The following SLC35F1 variants were observed in gnomAD, a reference collection of about 807,000 sequenced individuals.
SLC35F1 encodes chromosome 6 open reading frame 169.
SLC35F1 carries 14 observed loss-of-function variants against 48.7 expected under a neutral mutation model. That is an observed-to-expected ratio of 0.29 (90% CI 0.19 to 0.45). SLC35F1 has a LOEUF of 0.45. Ranked by LOEUF, SLC35F1 falls within the 20% of genes least tolerant of loss-of-function variation. SLC35F1 has a pLI of 1.00. For missense variants in SLC35F1, 404 were observed against 500.0 expected (o/e 0.81, Z 1.83); for synonymous variants, 190 against 202.2 (o/e 0.94, Z 0.51).
intron 1 of SLC35F1, among the ~76,000 whole-genome samples, chr6:117,957,441 C>T (rs888300319): frequency 7.9e-5 from 12 of 152,190 alleles, no homozygotes; most frequent in African/African-American, 2.9e-4. Context: ...TTCTACCAAG[C>T]ATCCAAAAAG....
intron 4 of SLC35F1, among the ~76,000 whole-genome samples, 196 bp downstream of exon 4, chr6:118,267,350 G>A (rs1775786631): frequency 6.6e-6 from 1 of 152,222 alleles, no homozygotes; most frequent in African/African-American, 2.4e-5. Flanking sequence ...TTGAGTGCAT[G>A]AGTTTGCAAA....
At chr6:118,097,861 T>A (rs1234615247) in intron 1 of SLC35F1, among the ~76,000 whole-genome samples, 1 of 152,170 alleles carries the variant, frequency 6.6e-6, no homozygotes, top group Non-Finnish European at 1.5e-5. Flanking sequence ...TCTTACTAAG[T>A]GAGTAGGTGT....
intron 7 of SLC35F1, among the ~76,000 whole-genome samples, chr6:118,292,367 A>G (rs1776135170): frequency 6.6e-6 from 1 of 152,186 alleles, no homozygotes; most frequent in Non-Finnish European, 1.5e-5. Flanking sequence ...CTGAAAGTGC[A>G]ATACACTGTC....
chr6:118,248,977 C>T (rs1314570925), intron 3 of SLC35F1, among the ~76,000 whole-genome samples: 1 of 152,160 alleles, frequency 6.6e-6, no homozygotes, highest in African/African-American at 2.4e-5. Flanking sequence ...CATTGATCTC[C>T]CCTGCCCTTT....
chr6:117,925,523 T>C (rs1466740748), intron 1 of SLC35F1, among the ~76,000 whole-genome samples: 1 of 152,200 alleles, frequency 6.6e-6, no homozygotes, highest in Non-Finnish European at 1.5e-5. Flanking sequence ...CACTGGATTG[T>C]CATTATGTGG....
At chr6:117,929,292 A>G (rs754624500) in intron 1 of SLC35F1, among the ~76,000 whole-genome samples, 2 of 152,032 alleles carry the variant, frequency 1.3e-5, no homozygotes, top group Non-Finnish European at 2.9e-5. Flanking sequence ...GGCAATACTC[A>G]TTGTCTCAGT....
At chr6:118,213,672 C>T (rs1169944925) in intron 2 of SLC35F1, among the ~76,000 whole-genome samples, 1 of 152,254 alleles carries the variant, frequency 6.6e-6, no homozygotes, top group East Asian at 1.9e-4. Context: ...ATAACTCACA[C>T]ACACAGTGTT....
chr6:118,001,485 A>G (rs1267993729), intron 1 of SLC35F1, among the ~76,000 whole-genome samples: 1 of 152,224 alleles, frequency 6.6e-6, no homozygotes, highest in Non-Finnish European at 1.5e-5. Flanking sequence ...CAGATCTAAA[A>G]CCATAAAAAT....
chr6:118,137,028 G>T (rs1488824982), intron 1 of SLC35F1, among the ~76,000 whole-genome samples: 1 of 152,054 alleles, frequency 6.6e-6, no homozygotes, highest in Non-Finnish European at 1.5e-5. Context: ...ATATGTTGTT[G>T]TTCTAGAAAA....
intron 1 of SLC35F1, among the ~76,000 whole-genome samples, chr6:118,088,985 A>G (rs769504614): frequency 2.6e-5 from 4 of 152,162 alleles, no homozygotes; most frequent in Non-Finnish European, 4.4e-5. Flanking sequence ...TCTACTACAC[A>G]TTGCACAGTT....
intron 1 of SLC35F1, among the ~76,000 whole-genome samples, chr6:117,924,525 T>TATATACGTATATACATATGTATATGA (rs1776003275): frequency 1.1e-5 from 1 of 94,138 alleles, no homozygotes; most frequent in African/African-American, 5.1e-5. Flanking sequence ...TATATATATG[T>TATATACGTATATACATATGTATATGA]CAAGTTCCAT....
intron 1 of SLC35F1, among the ~76,000 whole-genome samples, chr6:118,097,376 T>G (rs955585628): frequency 1.3e-5 from 2 of 152,178 alleles, no homozygotes; most frequent in African/African-American, 4.8e-5. Flanking sequence ...GGCAGGAGAG[T>G]TTGCCCCTTC....
chr6:117,997,242 C>A (rs1269821124), intron 1 of SLC35F1, among the ~76,000 whole-genome samples: 1 of 152,074 alleles, frequency 6.6e-6, no homozygotes, highest in Non-Finnish European at 1.5e-5. Flanking sequence ...TAAAAAGAAA[C>A]AAACAAAGCC....
At chr6:118,256,924 A>G (rs183074850) in intron 3 of SLC35F1, among the ~76,000 whole-genome samples, 25 of 152,318 alleles carry the variant, frequency 1.6e-4, no homozygotes, top group Admixed American at 1.3e-3. Flanking sequence ...AAAGATAACC[A>G]TTGTTAACAT....
chr6:118,183,129 A>G (rs1451771573), intron 2 of SLC35F1, among the ~76,000 whole-genome samples: 1 of 152,168 alleles, frequency 6.6e-6, no homozygotes, highest in Non-Finnish European at 1.5e-5. Flanking sequence ...GTAACTCTAG[A>G]TGTCTTGAAA....
chr6:118,220,974 C>T lies in SLC35F1; in HGVS notation c.350-14535C>T, dbSNP rs73525837. Among the ~76,000 whole-genome samples the T allele has an allele frequency of 8.3e-3, 1,268 of 152,176 alleles. 19 individuals are homozygous for T. The highest frequency in any genetic ancestry group is 0.029 in the African/African-American group (1,202 of 41,494). ...TGTGCTTCCCAACATGTTTGTCACA[C>T]GACACAGAAGGCTTCACTTGGGATG... On this transcript the variant is annotated intron_variant, in intron 2 of 7. Coordinates refer to ENST00000360388, the MANE Select transcript of SLC35F1 (RefSeq NM_001029858.4).
intron 1 of SLC35F1, among the ~76,000 whole-genome samples, chr6:118,094,794 CCT>C (rs1260086389): frequency 6.6e-6 from 1 of 151,936 alleles, no homozygotes; most frequent in Non-Finnish European, 1.5e-5. Context: ...ATGGTGAAAC[CCT>C]GTCTCTACTA....
intron 4 of SLC35F1, among the ~76,000 whole-genome samples, chr6:118,268,601 T>TATATATATATATATATATATATATATA (rs59597751): frequency 2.2e-5 from 1 of 45,538 alleles, no homozygotes; most frequent in African/African-American, 1.3e-4. Context: ...TATATATATA[T>TATATATATATATATATATATATATATA]TTTTTTTTTT....
chr6:118,138,705 A>G (rs931347989), intron 1 of SLC35F1, among the ~76,000 whole-genome samples: 3 of 62,646 alleles, frequency 4.8e-5, no homozygotes, highest in African/African-American at 7.2e-5. Flanking sequence ...GATTTATTTT[A>G]TTTGCTTTTT....
Sources: gnomAD v4.1 joint callset for allele counts (sites outside exome capture counted in the v4.1 genomes callset) on GRCh38, gnomAD v4.1.1 for gene constraint, MANE v1.5 for transcripts, NCBI Gene and HGNC (gene_info 2026-07-23, HGNC 2026-07-21) for gene names.